KLHL1: variants seen among roughly 807,000 people sequenced by gnomAD.
KLHL1 encodes kelch-like protein 1.
Under a neutral mutation model 77.7 loss-of-function variants are expected in KLHL1, and 47 were observed. The observed-to-expected ratio is 0.60, with a 90% CI of 0.48 to 0.77. The LOEUF is 0.77. Ranked by LOEUF, KLHL1 falls within the 30% of genes least tolerant of loss-of-function variation. The pLI, the probability that KLHL1 is intolerant of heterozygous loss-of-function variation, is 0.00. For missense variants in KLHL1, 925 were observed against 910.8 expected, an observed-to-expected ratio of 1.02 and a Z score of -0.20; for synonymous variants, 360 against 325.2, an observed-to-expected ratio of 1.11 and a Z score of -1.15.
rs892832728 is a variant in KLHL1 at position 70,023,423 on chromosome 13, A to G, written c.498-47621T>C. Among the ~76,000 whole-genome samples, 4 of 152,094 alleles carry G rather than the reference A, an allele frequency of 2.6e-5. No homozygotes were observed. The South Asian group carries it at 8.3e-4, about 31-fold the overall frequency. On this transcript the variant is annotated intron_variant, in intron 1 of 10. Transcript: ENST00000377844. ...GTATCAGTTCCTTAAGAACAAAGACATTCTGTAATGTATTATCAATACTAT... is the reference window on the plus strand; with the variant it reads ...GTATCAGTTCCTTAAGAACAAAGACGTTCTGTAATGTATTATCAATACTAT...
intron 9 of KLHL1, among the ~76,000 whole-genome samples, chr13:69,714,158 G>C (rs933172759): frequency 6.6e-6 from 1 of 152,050 alleles, no homozygotes; most frequent in African/African-American, 2.4e-5. Context: ...AATATCTGTT[G>C]TTCATTTTCA....
intron 1 of KLHL1, among the ~76,000 whole-genome samples, chr13:70,061,379 A>G (rs1231533281): frequency 7.4e-6 from 1 of 134,624 alleles, no homozygotes; most frequent in East Asian, 3.8e-4. Flanking sequence ...GGTTTCTAAA[A>G]TTTTCTTTTA....
At chr13:69,786,536 C>T (rs1876557564) in intron 7 of KLHL1, among the ~76,000 whole-genome samples, 3 of 152,050 alleles carry the variant, frequency 2.0e-5, no homozygotes, top group Admixed American at 2.0e-4. Flanking sequence ...TATGACAAAC[C>T]CACAGCCAAT....
At chr13:69,840,270 C>T (rs931480855) in intron 5 of KLHL1, among the ~76,000 whole-genome samples, 2 of 151,986 alleles carry the variant, frequency 1.3e-5, no homozygotes, top group African/African-American at 4.8e-5. Context: ...GTCACCCAGG[C>T]TGGAGTGCAG....
intron 6 of KLHL1, among the ~76,000 whole-genome samples, chr13:69,804,228 A>AGT (rs1877514767): frequency 6.6e-6 from 1 of 152,172 alleles, no homozygotes; most frequent in Admixed American, 6.5e-5. Context: ...CTGAGAAAAA[A>AGT]TGGTCAGGAT....
At chr13:70,085,779 G>T (rs1408485846) in intron 1 of KLHL1, among the ~76,000 whole-genome samples, 1 of 151,996 alleles carries the variant, frequency 6.6e-6, no homozygotes, top group Admixed American at 6.6e-5. Context: ...CAAGAGAATC[G>T]CTTGAACCTG....
At chr13:69,738,580 T>G (rs1295027717) in intron 8 of KLHL1, among the ~76,000 whole-genome samples, 1 of 152,000 alleles carries the variant, frequency 6.6e-6, no homozygotes, top group East Asian at 1.9e-4. Flanking sequence ...TGAAAGTCAG[T>G]CACAACAGAA....
intron 6 of KLHL1, among the ~76,000 whole-genome samples, chr13:69,829,966 C>T (rs1878697315): frequency 6.7e-6 from 1 of 149,818 alleles, no homozygotes; most frequent in East Asian, 1.9e-4. Context: ...AATCTTGAAA[C>T]AAAACCTCAA....
At chr13:70,088,711 TA>T (rs1887603694) in intron 1 of KLHL1, among the ~76,000 whole-genome samples, 1 of 151,906 alleles carries the variant, frequency 6.6e-6, no homozygotes, top group Admixed American at 6.6e-5. Context: ...TAAAATAAAA[TA>T]AAAAACAATT....
chr13:69,741,888 T>A (rs1874004214), intron 7 of KLHL1, among the ~76,000 whole-genome samples: 1 of 152,138 alleles, frequency 6.6e-6, no homozygotes, highest in Non-Finnish European at 1.5e-5. Context: ...CTAATTTCAG[T>A]TGGTACCTTG....
rs139566734 is a variant in KLHL1, at chr13:69,711,095, A to G, written c.2016-3299T>C. On this transcript the variant is annotated intron_variant, in intron 9 of 10. Transcript: ENST00000377844. ...TTAAGAAACCATTAATTTTTCAAGC[A>G]TTAGTGTCATTTTCATACTTTAAGG... Among the ~76,000 whole-genome samples, 326 of 152,276 alleles carry G rather than the reference A, an allele frequency of 2.1e-3. 1 individual carries two copies. Among genetic ancestry groups the G allele is most frequent in the African/African-American group, 6.9e-3 (288 of 41,574 alleles).
chr13:69,960,360 C>T lies in KLHL1; in HGVS notation c.817+948G>A, dbSNP rs74601771. ...AACTAGGCCAGAACCTGCCTTTCTT[C>T]GTCTCACACCAGTATGAAGAATTTA... On this transcript the variant is annotated intron_variant, in intron 3 of 10. Transcript: ENST00000377844. Among the ~76,000 whole-genome samples the T allele has an allele frequency of 1.1e-3, 165 of 152,058 alleles. 1 individual carries two copies. Among genetic ancestry groups the T allele is most frequent in the African/African-American group, 3.9e-3 (160 of 41,522 alleles).
At chr13:69,862,294 A>AAG (rs373063186) in intron 5 of KLHL1, among the ~76,000 whole-genome samples, 186 of 149,796 alleles carry the variant, frequency 1.2e-3, no homozygotes, top group African/African-American at 4.0e-3. Flanking sequence ...CACACAGGAG[A>AAG]AGAGAGAGAG....
At chr13:69,967,994 G>T (rs1158676011) in intron 2 of KLHL1, among the ~76,000 whole-genome samples, 1 of 152,048 alleles carries the variant, frequency 6.6e-6, no homozygotes, top group Non-Finnish European at 1.5e-5. Flanking sequence ...GTTATACCGT[G>T]GGTAGAATGC....
At chr13:69,795,098 C>G (rs1877044828) in intron 7 of KLHL1, among the ~76,000 whole-genome samples, 1 of 152,152 alleles carries the variant, frequency 6.6e-6, no homozygotes, top group African/African-American at 2.4e-5. Context: ...ATAAAGGAAG[C>G]ACTCTGCCTC....
chr13:69,992,986 T>C (rs928309759), intron 1 of KLHL1, among the ~76,000 whole-genome samples: 1 of 152,180 alleles, frequency 6.6e-6, no homozygotes, highest in Non-Finnish European at 1.5e-5. Context: ...AAAATCATAT[T>C]GATTAGTAAA....
chr13:70,048,871 T>C (rs145496884), intron 1 of KLHL1, among the ~76,000 whole-genome samples: 1 of 152,294 alleles, frequency 6.6e-6, no homozygotes, highest in Non-Finnish European at 1.5e-5. Flanking sequence ...GGACCCCTGC[T>C]ATAAACAATA....
At chr13:70,069,439 A>C (rs139946682) in intron 1 of KLHL1, among the ~76,000 whole-genome samples, 1 of 152,338 alleles carries the variant, frequency 6.6e-6, no homozygotes, top group East Asian at 1.9e-4. Context: ...CTTTTAACAA[A>C]AAATTACAAG....
At chr13:69,769,113 G>C (rs1350394449) in intron 7 of KLHL1, among the ~76,000 whole-genome samples, 1 of 152,136 alleles carries the variant, frequency 6.6e-6, no homozygotes, top group Admixed American at 6.6e-5. Context: ...TATGTACCAG[G>C]AGTACAGAGG....
Sources: gnomAD v4.1 joint callset for allele counts (sites outside exome capture counted in the v4.1 genomes callset) on GRCh38, gnomAD v4.1.1 for gene constraint, MANE v1.5 for transcripts, NCBI Gene and HGNC (gene_info 2026-07-23, HGNC 2026-07-21) for gene names.